Variants in CLASP1 observed in about 807,000 individuals in gnomAD.
The protein encoded by CLASP1 is CLIP-associating protein 1.
In CLASP1, 38 loss-of-function variants were observed where a neutral mutation model predicts 192.3. The ratio of observed to expected loss-of-function variants is 0.20; its 90% CI spans 0.15 to 0.26. CLASP1 has a LOEUF of 0.26. CLASP1 is among the 10% of genes least tolerant of loss of function. The pLI, the probability that CLASP1 is intolerant of heterozygous loss-of-function variation, is 1.00. For synonymous variants in CLASP1, 691 were observed against 712.8 expected, an observed-to-expected ratio of 0.97 and a Z score of 0.49; for missense variants, 1,433 against 1,932.5, an observed-to-expected ratio of 0.74 and a Z score of 4.85.
intron 2 of CLASP1, among the ~76,000 whole-genome samples, chr2:121,567,160 T>G (rs1173366399): frequency 6.6e-6 from 1 of 152,242 alleles, no homozygotes; most frequent in African/African-American, 2.4e-5. Context: ...AGGCCTAGTA[T>G]GCAGAACTGT....
intron 22 of CLASP1, 93 bp from the exon 23 acceptor site, chr2:121,418,822 A>G (rs1423392538): frequency 2.2e-6 from 2 of 917,738 alleles, no homozygotes; most frequent in Non-Finnish European, 3.5e-6. Flanking sequence ...GGTTAATGTA[A>G]TTACGACATT....
At chr2:121,481,900 T>G (rs2092624839) in intron 8 of CLASP1, among the ~76,000 whole-genome samples, 2 of 152,164 alleles carry the variant, frequency 1.3e-5, no homozygotes, top group South Asian at 4.1e-4. Context: ...TGGAGTGCAG[T>G]CCAACGTGGG....
At chr2:121,493,231 T>C (rs898179049) in intron 8 of CLASP1, among the ~76,000 whole-genome samples, 2 of 152,176 alleles carry the variant, frequency 1.3e-5, no homozygotes, top group Non-Finnish European at 2.9e-5. Context: ...TCACATTATC[T>C]GACTTCAAAT....
intron 1 of CLASP1, among the ~76,000 whole-genome samples, chr2:121,644,274 C>T (rs1461609454): frequency 1.3e-5 from 2 of 151,854 alleles, no homozygotes; most frequent in East Asian, 1.9e-4. Context: ...AGTTTCCTAA[C>T]CTAAGAAAAC....
intron 9 of CLASP1, among the ~76,000 whole-genome samples, chr2:121,465,865 C>T (rs1575125817): frequency 3.3e-5 from 5 of 152,064 alleles, no homozygotes; most frequent in Admixed American, 2.0e-4. Flanking sequence ...GAAATAACGC[C>T]GCATATCTAC....
intron 19 of CLASP1, among the ~76,000 whole-genome samples, chr2:121,437,321 T>C (rs2082478074): frequency 6.6e-6 from 1 of 152,222 alleles, no homozygotes; most frequent in South Asian, 2.1e-4. Flanking sequence ...TTTGCTCTTC[T>C]TCAAAATCTG....
At chr2:121,455,959 T>C (rs888572825) in intron 14 of CLASP1, among the ~76,000 whole-genome samples, 2 of 152,060 alleles carry the variant, frequency 1.3e-5, no homozygotes, top group South Asian at 2.1e-4. Flanking sequence ...GCATGCAAAA[T>C]GTCAGGTAGA....
intron 2 of CLASP1, among the ~76,000 whole-genome samples, chr2:121,564,039 A>G (rs1486161027): frequency 2.0e-5 from 3 of 152,194 alleles, no homozygotes; most frequent in Admixed American, 1.3e-4. Context: ...CCTATTCACT[A>G]TCACAAGAAC....
chr2:121,454,422 C>G (rs1444048993), intron 14 of CLASP1, among the ~76,000 whole-genome samples: 1 of 152,148 alleles, frequency 6.6e-6, no homozygotes, highest in Non-Finnish European at 1.5e-5. Flanking sequence ...CTTGCTGGCA[C>G]GCCGACTTTG....
exon 10 of CLASP1, chr2:121,462,551 T>A: frequency 1.3e-6 from 2 of 1,597,670 alleles, no homozygotes; most frequent in Non-Finnish European, 1.7e-6. Flanking sequence ...AGGTACATCA[T>A]CAAATGCTTT....
intron 19 of CLASP1, chr2:121,444,838 A>G: frequency 1.5e-6 from 1 of 687,344 alleles, no homozygotes; most frequent in East Asian, 6.3e-5. Context: ...CATCTCATGC[A>G]GGGACCTTGG....
intron 6 of CLASP1, among the ~76,000 whole-genome samples, chr2:121,521,349 T>C (rs1458212583): frequency 6.6e-6 from 1 of 152,062 alleles, no homozygotes; most frequent in Admixed American, 6.6e-5. Context: ...GATATGAAAG[T>C]TGAAAACAGA....
chr2:121,625,264 A>G, intron 1 of CLASP1, among the ~76,000 whole-genome samples: 1 of 152,180 alleles, frequency 6.6e-6, no homozygotes, highest in East Asian at 1.9e-4. Context: ...CCCACTTTCT[A>G]TACTAAGTAT....
At chr2:121,646,496 G>A (rs6722208) in intron 1 of CLASP1, among the ~76,000 whole-genome samples, 35,108 of 152,076 alleles carry the variant, frequency 0.23, 6,029 homozygotes, top group African/African-American at 0.48. Context: ...CTATTTGACA[G>A]CTAGATTTAG....
intron 31 of CLASP1, 45 bp from the exon 33 acceptor site, chr2:121,387,273 A>G: frequency 7.9e-7 from 1 of 1,260,818 alleles, no homozygotes; most frequent in Non-Finnish European, 1.1e-6. Flanking sequence ...GGCTGTATAT[A>G]GAATATATTC....
intron 26 of CLASP1, chr2:121,403,843 A>T (rs1372241591): frequency 6.6e-6 from 3 of 457,814 alleles, no homozygotes; most frequent in Non-Finnish European, 1.3e-5. Context: ...TGTGGGCACC[A>T]GCTAAGTGAT....
intron 31 of CLASP1, 116 bp downstream of exon 32, chr2:121,387,647 G>A (rs1261621529): frequency 3.1e-5 from 32 of 1,027,226 alleles, no homozygotes; most frequent in Non-Finnish European, 4.2e-5. Flanking sequence ...CAGGATGCTC[G>A]ACATTTCCTG....
chr2:121,517,556 A>G (rs1186669848), intron 6 of CLASP1, among the ~76,000 whole-genome samples: 1 of 152,130 alleles, frequency 6.6e-6, no homozygotes, highest in African/African-American at 2.4e-5. Context: ...GATAGGGCCT[A>G]TAAGGATGCA....
intron 30 of CLASP1, among the ~76,000 whole-genome samples, chr2:121,389,005 A>G (rs1003561429): frequency 4.6e-5 from 7 of 152,204 alleles, no homozygotes; most frequent in Non-Finnish European, 8.8e-5. Context: ...TGCTTTTACA[A>G]TGCTAAAATT....
Sources: allele counts gnomAD v4.1 joint callset (sites outside exome capture counted in the v4.1 genomes callset), GRCh38; gene constraint gnomAD v4.1.1; transcripts MANE v1.5; gene names NCBI Gene and HGNC (gene_info 2026-07-23, HGNC 2026-07-21).